Variants in PIEZO2 observed in about 807,000 individuals in gnomAD.
PIEZO2 encodes the protein piezo type mechanosensitive ion channel component 2.
A neutral mutation model predicts 337.3 loss-of-function variants in PIEZO2; 172 were observed. The ratio of observed to expected loss-of-function variants is 0.51; its 90% CI spans 0.45 to 0.58. The LOEUF is 0.58. Among genes scored for constraint, PIEZO2 ranks in the 20% least tolerant of loss-of-function variants. The pLI, the probability that PIEZO2 is intolerant of heterozygous loss-of-function variation, is 0.00. For missense variants in PIEZO2, 3,028 were observed against 3,391.3 expected (o/e 0.89, Z 2.66); for synonymous variants, 1,251 against 1,228.5 (o/e 1.02, Z -0.38).
intron 2 of PIEZO2, among the ~76,000 whole-genome samples, chr18:10,985,033 A>G (rs1462767168): frequency 6.6e-6 from 1 of 152,124 alleles, no homozygotes; most frequent in Non-Finnish European, 1.5e-5. Flanking sequence ...CCAGAAAGGT[A>G]AAAGCTGGGA....
At chr18:10,858,321 C>CAAAAAAAA (rs11361243) in intron 5 of PIEZO2, among the ~76,000 whole-genome samples, 12 of 56,356 alleles carry the variant, frequency 2.1e-4, no homozygotes, top group East Asian at 5.8e-4. Context: ...GACTTCAACC[C>CAAAAAAAA]AAAAAAAAAA....
intron 28 of PIEZO2, among the ~76,000 whole-genome samples, chr18:10,751,949 T>A (rs914918964): frequency 6.6e-6 from 1 of 150,952 alleles, no homozygotes; most frequent in Admixed American, 6.6e-5. Context: ...TTCTGAAACA[T>A]AGCTACTTAA....
At chr18:11,058,622 A>G (rs2037816996) in intron 2 of PIEZO2, among the ~76,000 whole-genome samples, 1 of 152,238 alleles carries the variant, frequency 6.6e-6, no homozygotes, top group Non-Finnish European at 1.5e-5. Context: ...GAACTATGTG[A>G]TGAATGCACA....
chr18:10,865,849 C>T lies in PIEZO2; in HGVS notation c.492+5404G>A, dbSNP rs1018420082. Reference sequence around the variant, plus strand: ...ACTCTGGTTCCTTTCATCTCAGGCTCTACTCTACCCCCCAAGAAAGGAACA... The same window carrying T: ...ACTCTGGTTCCTTTCATCTCAGGCTTTACTCTACCCCCCAAGAAAGGAACA... On this transcript the variant is annotated intron_variant, in intron 5 of 55. Transcript: ENST00000674853. Among the ~76,000 whole-genome samples the T allele has an allele frequency of 3.9e-5, 6 of 152,132 alleles. No individual in the cohort carries two copies. The South Asian group carries it at 1.0e-3, about 26-fold the overall frequency.
chr18:11,058,428 T>C (rs2625378), intron 2 of PIEZO2, among the ~76,000 whole-genome samples: 104,921 of 152,074 alleles, frequency 0.69, 36,662 homozygotes, highest in East Asian at 0.99. Context: ...GGACGGAGAA[T>C]GATTTTGACA....
Position 10,952,389 on chromosome 18 carries a change from G to T in PIEZO2, c.286+27146C>A, listed in dbSNP as rs575951236. 7.9e-5 allele frequency among the ~76,000 whole-genome samples: 12 copies of T among 152,204 alleles called. No homozygotes were observed. In the East Asian group the frequency reaches 2.3e-3, roughly 29 times the overall value. ...GGTCATTGTAGTCAGCCACTCCCCT[G>T]ATCCTCCACCCCATGGTGAGCAATG... On this transcript the variant is annotated intron_variant, in intron 3 of 55. Transcript: ENST00000674853. The surrounding 1 kb of genome is among the most constrained non-coding windows in gnomAD (Gnocchi z 4.1).
At position 11,094,382 on chromosome 18, in the gene PIEZO2, G is replaced by A. The variant is rs143083362; in HGVS notation, c.65-28160C>T. ...GTAGTTTCAGTAGGACTCAAAACCA[G>A]GGCTTTGAGTCAAGTTAACGACTTT... On this transcript the variant is annotated intron_variant, in intron 1 of 55. Coordinates refer to ENST00000674853, the MANE Select transcript of PIEZO2 (RefSeq NM_001378183.1). The surrounding 1 kb of genome is among the most constrained non-coding windows in gnomAD (Gnocchi z 4.4). 8.7e-3 allele frequency among the ~76,000 whole-genome samples: 1,317 copies of A among 152,170 alleles called. 10 individuals are homozygous for A. The highest frequency in any genetic ancestry group is 0.014 in the Non-Finnish European group (978 of 67,998).
At chr18:10,931,442 G>A (rs978560893) in intron 3 of PIEZO2, among the ~76,000 whole-genome samples, 51 of 152,188 alleles carry the variant, frequency 3.4e-4, no homozygotes, top group Middle Eastern at 3.4e-3. Context: ...CTCGTGATCC[G>A]CCTGCCTTGG....
At chr18:11,059,618 T>C (rs1420911516) in intron 2 of PIEZO2, among the ~76,000 whole-genome samples, 2 of 152,064 alleles carry the variant, frequency 1.3e-5, no homozygotes, top group African/African-American at 4.8e-5. Context: ...TAGTCTCTGA[T>C]AAAACAGACT....
Position 10,828,125 on chromosome 18 carries a change from TGTTTG to T in PIEZO2, c.918-20856_918-20852del, listed in dbSNP as rs1455431429. Among the ~76,000 whole-genome samples the T allele has an allele frequency of 0.047, 4,925 of 105,836 alleles. 262 individuals are homozygous for T. The highest frequency in any genetic ancestry group is 0.17 in the African/African-American group (4,659 of 27,186). 69.4% of individuals were successfully genotyped at this position (105,836 alleles called of 152,430 possible). ...TCGAAATAGCATGACGGTTTTTTTT[TGTTTG>T]TTTGTTTTTGTTTTTTTTTTTTTTT... is the stretch of plus-strand genomic sequence containing the variant. On this transcript the variant is annotated intron_variant, in intron 7 of 55. Coordinates refer to ENST00000674853, the MANE Select transcript of PIEZO2 (RefSeq NM_001378183.1). This position sits in a 1 kb window ranked among gnomAD's most constrained non-coding sequence, Gnocchi z 4.1.
In PIEZO2 at chr18:11,125,932, G is replaced by A. The variant is rs1314446531; in HGVS notation, c.64+22593C>T. Among the ~76,000 whole-genome samples, 1 of 152,236 alleles carries A rather than the reference G, an allele frequency of 6.6e-6. No individual in the cohort carries two copies. Among genetic ancestry groups the A allele is most frequent in the Non-Finnish European group, 1.5e-5 (1 of 68,038 alleles). On this transcript the variant is annotated intron_variant, in intron 1 of 55. Transcript: ENST00000674853. The surrounding 1 kb of genome is among the most constrained non-coding windows in gnomAD (Gnocchi z 4.4). ...AGGGCAGCTCTAGTGCCCAACGGTA[G>A]AGGAAGAATGGTGCCTACCATAAGA...
chr18:10,838,995 C>T (rs141219668), intron 7 of PIEZO2, among the ~76,000 whole-genome samples: 2 of 152,162 alleles, frequency 1.3e-5, no homozygotes, highest in African/African-American at 2.4e-5. Flanking sequence ...GTTTAGATGC[C>T]ACATTTTAAA....
rs1485192275 is a variant in PIEZO2 at position 11,061,420 on chromosome 18, A to T, written c.160+4707T>A. 8.6e-5 allele frequency among the ~76,000 whole-genome samples: 13 copies of T among 151,188 alleles called. 1 individual carries two copies. In the South Asian group the frequency reaches 2.8e-3, roughly 32 times the overall value. ...GTTCTGGCCAGGGCAATCAGGCAGGAGAAGGAAATAAAGGGTATTCAATTA... is the reference window on the plus strand; with the variant it reads ...GTTCTGGCCAGGGCAATCAGGCAGGTGAAGGAAATAAAGGGTATTCAATTA... On this transcript the variant is annotated intron_variant, in intron 2 of 55. Transcript: ENST00000674853.
chr18:11,024,155 G>C (rs2036437527), intron 2 of PIEZO2, among the ~76,000 whole-genome samples: 1 of 152,246 alleles, frequency 6.6e-6, no homozygotes, highest in South Asian at 2.1e-4. Flanking sequence ...CAAGGCCGCA[G>C]AGGCACCGAA....
chr18:10,809,592 T>C (rs916277558), intron 7 of PIEZO2, among the ~76,000 whole-genome samples: 6 of 148,462 alleles, frequency 4.0e-5, no homozygotes, highest in Non-Finnish European at 8.9e-5. Flanking sequence ...TTTTTTTTTC[T>C]AAAGAAACTA....
Position 10,896,455 on chromosome 18 carries a change from C to G in PIEZO2, c.329+14731G>C, listed in dbSNP as rs530105606. Among the ~76,000 whole-genome samples the G allele has an allele frequency of 1.9e-4, 29 of 152,258 alleles. No homozygotes were observed. The East Asian group carries it at 4.0e-3, about 21-fold the overall frequency. ...ATTACACTCAGTCCAATATGGAATT[C>G]GATTATCTGTGTGGATTTCTAAATA... On this transcript the variant is annotated intron_variant, in intron 4 of 55. Transcript: ENST00000674853.
intron 3 of PIEZO2, among the ~76,000 whole-genome samples, chr18:10,938,944 AG>A (rs2032558780): frequency 1.3e-5 from 2 of 151,998 alleles, no homozygotes; most frequent in Admixed American, 1.3e-4. Flanking sequence ...AAAATTAGCC[AG>A]GTGTGGTGGC....
chr18:10,800,419 G>T lies in PIEZO2; in HGVS notation c.1296C>A (p.Ser432Arg), dbSNP rs1364578493. ...TGCCAGGGCCGTTCTCCATGGGCAG[G>T]CTTGGGTGGATGGTGTGGTAATCCA... ...NPVDYHTIHP[S>R]LPMENGPGKA... Residue 432 changes from serine to arginine, a missense_variant, in exon 11 of 56, where the codon AGC becomes AGA. Around this residue, in one of 5 missense-constraint regions of PIEZO2, gnomAD observed 542 missense variants for 605.6 expected, o/e 0.89. Transcript: ENST00000674853. 3.3e-6 allele frequency: 5 copies of T among 1,536,398 alleles called. No individual in the cohort carries two copies. Among genetic ancestry groups the T allele is most frequent in the East Asian group, 2.4e-5 (1 of 40,832 alleles).
chr18:10,920,247 A>G (rs1271619786), intron 3 of PIEZO2, among the ~76,000 whole-genome samples: 1 of 152,082 alleles, frequency 6.6e-6, no homozygotes, highest in African/African-American at 2.4e-5. Context: ...CTCAGAAACA[A>G]TGGGGCAATT....
Sources: allele counts gnomAD v4.1 joint callset (sites outside exome capture counted in the v4.1 genomes callset), GRCh38; gene constraint gnomAD v4.1.1; regional missense constraint gnomAD v4.1.1; non-coding constraint Gnocchi (gnomAD v3.1); transcripts MANE v1.5; gene names NCBI Gene and HGNC (gene_info 2026-07-23, HGNC 2026-07-21).